The following TPRA1 variants were observed in gnomAD, a reference collection of about 807,000 sequenced individuals.
TPRA1 encodes transmembrane protein adipocyte-associated 1.
In TPRA1, 28 loss-of-function variants were observed where a neutral mutation model predicts 40.1. The observed-to-expected ratio is 0.70, with a 90% CI of 0.52 to 0.96. The LOEUF (loss-of-function observed/expected upper bound fraction) is 0.96, where lower values mean the gene tolerates loss of function less well. Ranked by LOEUF, TPRA1 falls within the 40% of genes least tolerant of loss-of-function variation. The probability of loss-of-function intolerance (pLI) is 0.00; values close to 1 mark genes in which losing one functional copy is unlikely to be tolerated. For synonymous variants in TPRA1, 219 were observed against 209.7 expected, an observed-to-expected ratio of 1.04 and a Z score of -0.38; for missense variants, 441 against 482.6, an observed-to-expected ratio of 0.91 and a Z score of 0.81.
chr3:127,592,367 G>GTTT (rs746017013), upstream of TPRA1, among the ~76,000 whole-genome samples: 84 of 88,534 alleles, frequency 9.5e-4, 5 homozygotes, highest in Non-Finnish European at 1.2e-3. Flanking sequence ...GCAACATGCT[G>GTTT]TTTTTTTTTT....
intron 1 of TPRA1, among the ~76,000 whole-genome samples, chr3:127,595,943 A>T (rs2074236376): frequency 6.6e-6 from 1 of 152,190 alleles, no homozygotes; most frequent in South Asian, 2.1e-4. Flanking sequence ...CAGAGGAGAC[A>T]GCAGCCCTGG....
chr3:127,589,016 G>A (rs1216722983), intron 1 of TPRA1, among the ~76,000 whole-genome samples: 1 of 152,100 alleles, frequency 6.6e-6, no homozygotes, highest in Non-Finnish European at 1.5e-5. Context: ...GTGGAGCCCA[G>A]GGGTGATTCT....
upstream of TPRA1, among the ~76,000 whole-genome samples, chr3:127,594,174 C>T (rs2074220615): frequency 6.6e-6 from 1 of 152,218 alleles, no homozygotes; most frequent in Non-Finnish European, 1.5e-5. Flanking sequence ...TGGTGTGGGG[C>T]ACACCAGAAC....
Position 127,573,269 on chromosome 3 carries a change from A to G in TPRA1, c.*252T>C, listed in dbSNP as rs2073432517. On this transcript the variant is annotated 3_prime_UTR_variant, in exon 11 of 11. Transcript: ENST00000355552. Reference sequence around the variant, plus strand: ...CAACCTTGCCAAGCATGGCCCTGGAAGGAAAGCCTGGGCCATGTCACTGAG... The same window carrying G: ...CAACCTTGCCAAGCATGGCCCTGGAGGGAAAGCCTGGGCCATGTCACTGAG... 1 of 435,930 alleles carries G rather than the reference A, an allele frequency of 2.3e-6. No homozygotes were observed. The highest frequency in any genetic ancestry group is 3.7e-5 in the Admixed American group (1 of 26,724). 27.0% of individuals were successfully genotyped at this position (435,930 alleles called of 1,614,324 possible).
chr3:127,573,514 G>A lies in TPRA1; in HGVS notation c.*7C>T. The stretch of plus-strand genomic sequence containing the variant: ...GGCCTGTCCTCCACAGGCCCTGGCA[G>A]CTGCCCTCAGGCATTGATGGCCTTC... On this transcript the variant is annotated 3_prime_UTR_variant, in exon 11 of 11. Transcript: ENST00000355552. 3 of 1,607,792 alleles carry A rather than the reference G, an allele frequency of 1.9e-6. No homozygotes were observed. The highest frequency in any genetic ancestry group is 1.7e-6 in the Non-Finnish European group (2 of 1,177,024).
rs773040925 is a variant in TPRA1 at position 127,575,447 on chromosome 3, C to T, written c.729G>A (p.Gly243=). ...CGAAGCACAGCAGCACACTCCCCAG[C>T]CCCTGCAGTAGGTTGAGCAGTGCCA... ...GILALLNLLQ[G]LGSVLLCFDI... Residue 243 remains glycine (G), a synonymous_variant, in exon 9 of 11, where the codon GGG becomes GGA. Transcript: ENST00000355552. 3.7e-6 allele frequency: 6 copies of T among 1,603,310 alleles called. No individual in the cohort carries two copies. Among genetic ancestry groups the T allele is most frequent in the Non-Finnish European group, 5.1e-6 (6 of 1,175,234 alleles).
rs559234682 is a variant in TPRA1 at position 127,579,752 on chromosome 3, G to A, written c.246C>T (p.Thr82=). The A allele has an allele frequency of 1.9e-4, 301 of 1,614,162 alleles. No homozygotes were observed. The Admixed American group carries it at 4.9e-3, about 26-fold the overall frequency. The change falls in exon 3 of 11, where the codon ACC becomes ACT. Residue 82 remains threonine (T), a synonymous_variant. Transcript: ENST00000355552. The part of the protein sequence containing the change: ...IRITSSPIFI[T]FYILVFVVAL... ...GCAGTGAACTCACCAGGATGTAGAA[G>A]GTGATAAAAATGGGGCTGGAGGTGA...
chr3:127,585,513 AACAGTCCATGCATGAGAGG>A (rs2073972920), intron 1 of TPRA1, among the ~76,000 whole-genome samples: 1 of 152,248 alleles, frequency 6.6e-6, no homozygotes, highest in Non-Finnish European at 1.5e-5. Context: ...GAGCTCCTGC[AACAGTCCATGCATGAGAGG>A]ACAGAGGCTT....
At chr3:127,581,324 T>C (rs917882686) in intron 1 of TPRA1, among the ~76,000 whole-genome samples, 6 of 152,140 alleles carry the variant, frequency 3.9e-5, no homozygotes, top group East Asian at 1.9e-4. Context: ...GTTCCTACGG[T>C]TGACACTTGC....
intron 1 of TPRA1, among the ~76,000 whole-genome samples, chr3:127,588,441 GAC>G (rs1274960956): frequency 1.5e-5 from 2 of 135,450 alleles, no homozygotes; most frequent in East Asian, 2.1e-4. Context: ...TTTTTTTTGA[GAC>G]AGAGTCTCGC....
upstream of TPRA1, among the ~76,000 whole-genome samples, chr3:127,592,287 C>A (rs1268220054): frequency 6.6e-6 from 1 of 152,104 alleles, no homozygotes. Flanking sequence ...CTAATAACTA[C>A]CCTCTGTAAG....
At chr3:127,575,382 C>G (rs1257750569) in intron 9 of TPRA1, 21 bp downstream of exon 9, 2 of 1,571,934 alleles carry the variant, frequency 1.3e-6, no homozygotes, top group Admixed American at 3.8e-5. Context: ...ACGAGGCAGA[C>G]ACCCTGCGGC....
chr3:127,594,173 G>A (rs574830951), upstream of TPRA1, among the ~76,000 whole-genome samples: 269 of 152,350 alleles, frequency 1.8e-3, 1 homozygote, highest in African/African-American at 6.2e-3. Flanking sequence ...GTGGTGTGGG[G>A]CACACCAGAA....
At chr3:127,584,473 A>AAAG (rs2073938411) in intron 1 of TPRA1, among the ~76,000 whole-genome samples, 1 of 149,282 alleles carries the variant, frequency 6.7e-6, no homozygotes, top group Non-Finnish European at 1.5e-5. Flanking sequence ...AAAAAAAAAA[A>AAAG]AAAAAAAGAA....
In TPRA1 at chr3:127,580,079, T is replaced by C. The variant is rs764314926; in HGVS notation, c.68A>G (p.Asn23Ser). 1 of 1,613,934 alleles carries C rather than the reference T, an allele frequency of 6.2e-7. No individual in the cohort carries two copies. Among genetic ancestry groups the C allele is most frequent in the South Asian group, 1.1e-5 (1 of 91,088 alleles). Residue 23 changes from asparagine to serine, a missense_variant, in exon 2 of 11, where the codon AAC becomes AGC. By Grantham distance (46) the Asn-to-Ser change is conservative. Transcript: ENST00000355552. ...CAGGCAGCGATGAGGCACACTGATGTTTGGTGCCAGGGGTGGGGGTAGCGC... is the reference window on the plus strand; with the variant it reads ...CAGGCAGCGATGAGGCACACTGATGCTTGGTGCCAGGGGTGGGGGTAGCGC... ...STALPPPLAP[N>S]ISVPHRCLLL...
chr3:127,574,037 T>C (rs1383057118), intron 10 of TPRA1, among the ~76,000 whole-genome samples: 2 of 152,130 alleles, frequency 1.3e-5, no homozygotes, highest in African/African-American at 2.4e-5. Context: ...GTGAAATGGG[T>C]GTGTGGACAC....
At position 127,575,819 on chromosome 3, in the gene TPRA1, C is replaced by A; in HGVS notation, c.610-10G>T. The A allele has an allele frequency of 1.2e-6, 2 of 1,613,858 alleles. No homozygotes were observed. Among genetic ancestry groups the A allele is most frequent in the Non-Finnish European group, 1.7e-6 (2 of 1,179,992 alleles). ...CCACCAGAGAGTAGACCTACAGAGA[C>A]AGGCAGGGCTGAGAAGGTGCTGGGG... On this transcript the variant is annotated splice_polypyrimidine_tract_variant and intron_variant, in intron 7 of 10. Transcript: ENST00000355552.
Position 127,575,730 on chromosome 3 carries a change from C to T in TPRA1, c.670+19G>A, listed in dbSNP as rs1472515232. On this transcript the variant is annotated intron_variant, in intron 8 of 10. Transcript: ENST00000355552. ...CCTCCCATCCCCGCCTGTCCCAGAG[C>T]CGCCGGCCAGCTGCTCACAAGGCAG... is the stretch of plus-strand genomic sequence containing the variant. 1 of 1,613,036 alleles carries T rather than the reference C, an allele frequency of 6.2e-7. No individual in the cohort carries two copies.
chr3:127,576,961 C>T lies in TPRA1; in HGVS notation c.345+29G>A. 6.2e-7 allele frequency: 1 copy of T among 1,613,644 alleles called. No individual in the cohort carries two copies. Among genetic ancestry groups the T allele is most frequent in the Non-Finnish European group, 8.5e-7 (1 of 1,179,946 alleles). ...CCAGCCCACCCCAGGCCAGGCCTCC[C>T]TGGCCTCCCTCAGAGGGCCCAGCCG... On this transcript the variant is annotated intron_variant, in intron 4 of 10. Coordinates refer to ENST00000355552, the MANE Select transcript of TPRA1 (RefSeq NM_001136053.4). This position sits in a 1 kb window ranked among gnomAD's most constrained non-coding sequence, Gnocchi z 4.6.
Sources: allele counts gnomAD v4.1 joint callset (sites outside exome capture counted in the v4.1 genomes callset), GRCh38; gene constraint gnomAD v4.1.1; non-coding constraint Gnocchi (gnomAD v3.1); transcripts MANE v1.5; gene names NCBI Gene and HGNC (gene_info 2026-07-23, HGNC 2026-07-21).